PGBD2: variants seen among roughly 807,000 people sequenced by gnomAD.
PGBD2 encodes the protein piggyBac transposable element derived 2, also known as piggyBac transposable element-derived protein 2.
A neutral mutation model predicts 8.1 loss-of-function variants in PGBD2; 6 were observed. The ratio of observed to expected loss-of-function variants is 0.74; its 90% CI spans 0.40 to 1.46. The LOEUF (loss-of-function observed/expected upper bound fraction) is 1.46, where lower values mean the gene tolerates loss of function less well. Ranked by LOEUF, PGBD2 falls within the 40% of genes most tolerant of loss-of-function variation. PGBD2 has a pLI of 0.02. For synonymous variants in PGBD2, 318 were observed against 272.2 expected, an observed-to-expected ratio of 1.17 and a Z score of -1.66; for missense variants, 802 against 739.0, an observed-to-expected ratio of 1.09 and a Z score of -0.99.
the PGBD2 span, among the ~76,000 whole-genome samples, chr1:248,928,595 C>T: frequency 6.6e-6 from 1 of 152,114 alleles, no homozygotes; most frequent in African/African-American, 2.4e-5. Context: ...TGGTTGTGTT[C>T]TGAGGGAGAA....
the PGBD2 span, among the ~76,000 whole-genome samples, chr1:248,883,269 A>G: frequency 6.6e-6 from 1 of 151,512 alleles, no homozygotes; most frequent in African/African-American, 2.4e-5. Flanking sequence ...GATTACAGGC[A>G]TGTGCCACTA....
chr1:248,908,227 C>G (rs1661729605), intron 1 of PGBD2, among the ~76,000 whole-genome samples: 1 of 152,314 alleles, frequency 6.6e-6, no homozygotes, highest in South Asian at 2.1e-4. Flanking sequence ...GCTCTCCCAC[C>G]TCCCAATCCC....
chr1:248,914,514 T>G, intron 2 of PGBD2: 1 of 1,289,184 alleles, frequency 7.8e-7, no homozygotes, highest in Non-Finnish European at 1.0e-6. Flanking sequence ...GAAGTGAGGT[T>G]GGAGTGAATT....
rs774498725 is a variant in PGBD2, at chr1:248,918,504, A to G, written c.*141A>G. On this transcript the variant is annotated 3_prime_UTR_variant, in exon 3 of 3. Transcript: ENST00000329291. ...TTTCTATTTTCTCCCTACCCACAAT[A>G]CAGTTATCTTTTTTATTGTGTTGTG... 1.7e-5 allele frequency: 12 copies of G among 714,714 alleles called. No individual in the cohort carries two copies. The highest frequency in any genetic ancestry group is 2.4e-5 in the Non-Finnish European group (11 of 455,398). The allele number at this position is 714,714 out of a possible 1,614,324, so 44.3% of individuals were successfully genotyped here. A position where few individuals can be genotyped will look rare whatever the true frequency, so the allele number is the denominator to read the frequency against.
At chr1:248,902,808 A>G (rs1408395656), upstream of PGBD2, among the ~76,000 whole-genome samples, 6 of 150,726 alleles carry the variant, frequency 4.0e-5, no homozygotes, top group African/African-American at 1.5e-4. Context: ...GAGAACACAC[A>G]GATGGGGCAG....
chr1:248,896,362 C>CAT, the PGBD2 span, among the ~76,000 whole-genome samples: 864 of 151,170 alleles, frequency 5.7e-3, 5 homozygotes, highest in African/African-American at 0.019. Context: ...TTCATATATA[C>CAT]ATATATATAT....
rs1006397209 is a variant in PGBD2, at chr1:248,918,790, T to C, written c.*427T>C. On this transcript the variant is annotated 3_prime_UTR_variant, in exon 3 of 3. Transcript: ENST00000329291. ...ATGTGATGGATTTCTTAATCATATT[T>C]ATTTCATATTAATCCAAGTTTATCA... 2.4e-5 allele frequency: 4 copies of C among 167,080 alleles called. No homozygotes were observed. Among genetic ancestry groups the C allele is most frequent in the African/African-American group, 9.6e-5 (4 of 41,460 alleles). 10.3% of individuals were successfully genotyped at this position (167,080 alleles called of 1,614,324 possible). A position where few individuals can be genotyped will look rare whatever the true frequency, so the allele number is the denominator to read the frequency against.
intron 2 of PGBD2, chr1:248,914,343 G>T (rs553354150): frequency 1.8e-5 from 17 of 939,444 alleles, no homozygotes; most frequent in Admixed American, 6.2e-5. Flanking sequence ...TCAGGAAAGC[G>T]TGAAGATGGC....
chr1:248,911,071 T>C (rs1200938936), intron 1 of PGBD2, among the ~76,000 whole-genome samples: 1 of 152,120 alleles, frequency 6.6e-6, no homozygotes, highest in Non-Finnish European at 1.5e-5. Context: ...GAATGTGTTT[T>C]CTGTTACTAT....
chr1:248,894,992 A>T, the PGBD2 span, among the ~76,000 whole-genome samples: 1 of 151,906 alleles, frequency 6.6e-6, no homozygotes, highest in Non-Finnish European at 1.5e-5. Context: ...TTTTTTAGAG[A>T]TGGGATCTTG....
At chr1:248,906,429 G>T (rs1376290941) in intron 1 of PGBD2, 87 bp downstream of exon 1, 1 of 152,100 alleles carries the variant, frequency 6.6e-6, no homozygotes, top group Non-Finnish European at 1.5e-5. Context: ...CTCAACGGCG[G>T]CATCCGAGGA....
chr1:248,889,075 G>A, the PGBD2 span, among the ~76,000 whole-genome samples: 1 of 151,992 alleles, frequency 6.6e-6, no homozygotes, highest in Non-Finnish European at 1.5e-5. Context: ...ACAATAACAA[G>A]AATGATAAAA....
chr1:248,890,428 A>G, the PGBD2 span, among the ~76,000 whole-genome samples: 1 of 152,148 alleles, frequency 6.6e-6, no homozygotes, highest in Non-Finnish European at 1.5e-5. Context: ...GGGATTAGGA[A>G]TCTTGCCCAA....
intron 1 of PGBD2, among the ~76,000 whole-genome samples, chr1:248,906,773 C>T (rs1442928861): frequency 1.3e-5 from 2 of 151,566 alleles, no homozygotes; most frequent in South Asian, 2.1e-4. Context: ...GCGCTGGGGG[C>T]GGGTCGTTTT....
the PGBD2 span, among the ~76,000 whole-genome samples, chr1:248,874,294 C>A: frequency 3.3e-5 from 5 of 152,174 alleles, no homozygotes; most frequent in East Asian, 1.9e-4. Flanking sequence ...ACCGCCGCGG[C>A]CCGGGTTCGA....
chr1:248,875,999 CTT>C, the PGBD2 span, among the ~76,000 whole-genome samples: 43,375 of 139,592 alleles, frequency 0.31, 9,105 homozygotes, highest in African/African-American at 0.59. Context: ...TTAAACTGTT[CTT>C]TTTTTTTTTT....
Position 248,917,648 on chromosome 1 carries a change from C to G in PGBD2, c.1064C>G (p.Thr355Arg). 6.2e-7 allele frequency: 1 copy of G among 1,614,164 alleles called. No individual in the cohort carries two copies. Among genetic ancestry groups the G allele is most frequent in the Non-Finnish European group, 8.5e-7 (1 of 1,180,026 alleles). ...CACATATTTTTTGACAAGGTTTTCA[C>G]AAGTGTTAAACTGATGTCCATTTTG... Reference protein sequence around the residue: ...PYHIFFDKVFTSVKLMSILRK... With the variant: ...PYHIFFDKVFRSVKLMSILRK... Residue 355 changes from threonine (T) to arginine (R), a missense_variant, in exon 3 of 3, where the codon ACA (threonine) becomes AGA (arginine). Physicochemically the swap from Thr to Arg is moderately conservative, Grantham distance 71. Coordinates refer to ENST00000329291, the MANE Select transcript of PGBD2 (RefSeq NM_170725.3).
chr1:248,896,980 T>C, the PGBD2 span, among the ~76,000 whole-genome samples: 5 of 152,174 alleles, frequency 3.3e-5, no homozygotes, highest in Admixed American at 6.5e-5. Context: ...TCAAAGATTT[T>C]CCTCCCCATT....
intron 2 of PGBD2, among the ~76,000 whole-genome samples, chr1:248,915,723 C>T (rs1001550235): frequency 1.3e-5 from 2 of 152,182 alleles, no homozygotes; most frequent in East Asian, 1.9e-4. Context: ...TTCTGAATTG[C>T]AGTTAGCATA....
Sources: allele counts gnomAD v4.1 joint callset (sites outside exome capture counted in the v4.1 genomes callset), GRCh38; gene constraint gnomAD v4.1.1; transcripts MANE v1.5; gene names NCBI Gene and HGNC (gene_info 2026-07-23, HGNC 2026-07-21).